The following ZNF469 variants were observed in gnomAD, a reference collection of about 807,000 sequenced individuals.
ZNF469 encodes zinc finger protein 469.
A neutral mutation model predicts 1.0 loss-of-function variants in ZNF469; 1 was observed. The observed-to-expected ratio is 1.00, with a 90% CI of 0.35 to 4.73. The LOEUF is 4.73. ZNF469 is among the 30% of genes most tolerant of loss of function. The pLI is 0.16. For synonymous variants in ZNF469, 2,703 were observed against 2,363.4 expected, an observed-to-expected ratio of 1.14 and a Z score of -4.17; for missense variants, 6,100 against 5,356.3, an observed-to-expected ratio of 1.14 and a Z score of -4.33.
At chr16:88,133,372 C>T in the ZNF469 span, among the ~76,000 whole-genome samples, 2 of 152,252 alleles carry the variant, frequency 1.3e-5, no homozygotes, top group Non-Finnish European at 2.9e-5. Flanking sequence ...TGCTCTGCAA[C>T]CCTCCCTGTC....
the ZNF469 span, among the ~76,000 whole-genome samples, chr16:88,258,847 A>C: frequency 6.6e-6 from 1 of 152,230 alleles, no homozygotes; most frequent in Non-Finnish European, 1.5e-5. Context: ...TGTTATGCTT[A>C]TTCTACACTC....
At chr16:88,147,751 T>C in the ZNF469 span, among the ~76,000 whole-genome samples, 1 of 152,128 alleles carries the variant, frequency 6.6e-6, no homozygotes, top group Admixed American at 6.5e-5. Flanking sequence ...GGATGCAAAC[T>C]GGCCTCCTGG....
chr16:88,371,819 C>A, the ZNF469 span, among the ~76,000 whole-genome samples: 1 of 152,078 alleles, frequency 6.6e-6, no homozygotes, highest in African/African-American at 2.4e-5. Context: ...ATCACCATCA[C>A]TATCATCACC....
chr16:88,155,232 G>C, the ZNF469 span, among the ~76,000 whole-genome samples: 11 of 152,358 alleles, frequency 7.2e-5, no homozygotes, highest in African/African-American at 2.6e-4. Context: ...CTGAGTTCAA[G>C]TCCTGCTTCT....
At chr16:88,415,913 C>T (rs557881296) in intron 1 of ZNF469, among the ~76,000 whole-genome samples, 2 of 152,252 alleles carry the variant, frequency 1.3e-5, no homozygotes, top group Non-Finnish European at 2.9e-5. Context: ...GCACGCAGCC[C>T]GGCCCCTCCC....
the ZNF469 span, among the ~76,000 whole-genome samples, chr16:88,277,393 C>G: frequency 6.6e-6 from 1 of 151,144 alleles, no homozygotes; most frequent in Admixed American, 6.6e-5. Context: ...CACGCTGACA[C>G]TCGGTCAGTA....
At chr16:88,225,982 A>T in the ZNF469 span, among the ~76,000 whole-genome samples, 1 of 151,976 alleles carries the variant, frequency 6.6e-6, no homozygotes. Context: ...CTCCTTGCAC[A>T]TGGCAGAAGG....
the ZNF469 span, among the ~76,000 whole-genome samples, chr16:88,280,451 G>T: frequency 6.6e-6 from 1 of 151,830 alleles, no homozygotes; most frequent in African/African-American, 2.4e-5. Flanking sequence ...CCAATGCTTG[G>T]TCAGTACCGT....
chr16:88,239,715 A>AT, the ZNF469 span, among the ~76,000 whole-genome samples: 3 of 6,786 alleles, frequency 4.4e-4, no homozygotes, highest in Non-Finnish European at 7.2e-4. Context: ...ATATATATAT[A>AT]TTTTTTTTTT....
chr16:88,205,674 C>A, the ZNF469 span, among the ~76,000 whole-genome samples: 1 of 152,292 alleles, frequency 6.6e-6, no homozygotes, highest in African/African-American at 2.4e-5. The surrounding 1 kb of genome is among the most constrained non-coding windows in gnomAD (Gnocchi z 4.2). Flanking sequence ...GATGCGGAAC[C>A]GGCTCCCAAA....
At chr16:88,253,275 A>G in the ZNF469 span, among the ~76,000 whole-genome samples, 4 of 152,228 alleles carry the variant, frequency 2.6e-5, no homozygotes, top group South Asian at 2.1e-4. Flanking sequence ...TTTGCCTATT[A>G]GAAACCCTCG....
intron 1 of ZNF469, among the ~76,000 whole-genome samples, chr16:88,415,080 G>GA (rs1905269683): frequency 6.6e-6 from 1 of 152,244 alleles, no homozygotes; most frequent in Non-Finnish European, 1.5e-5. Flanking sequence ...TGTGGCCTTG[G>GA]AAAAGTCCCT....
the ZNF469 span, among the ~76,000 whole-genome samples, chr16:88,326,034 G>C: frequency 6.6e-6 from 1 of 152,246 alleles, no homozygotes; most frequent in Non-Finnish European, 1.5e-5. Context: ...GTGTGATCCT[G>C]TAGGCAGAGA....
chr16:88,249,423 CTTTTTCTTTTTTTTTT>C, the ZNF469 span, among the ~76,000 whole-genome samples: 8 of 61,754 alleles, frequency 1.3e-4, no homozygotes, highest in East Asian at 9.4e-4. Flanking sequence ...CTTTCTTTTT[CTTTTTCTTTTTTTTTT>C]TTTTTTTTTT....
intron 1 of ZNF469, among the ~76,000 whole-genome samples, chr16:88,422,773 TGGATGGTTGGA>T (rs1597202737): frequency 3.1e-5 from 4 of 129,380 alleles, no homozygotes; most frequent in East Asian, 4.9e-4. Context: ...GATGGATGGA[TGGATGGTTGGA>T]TGGATGGATG....
At chr16:88,139,428 T>G in the ZNF469 span, among the ~76,000 whole-genome samples, 1 of 148,480 alleles carries the variant, frequency 6.7e-6, no homozygotes, top group East Asian at 2.0e-4. Context: ...AAAATTGCTG[T>G]GAAAAGTGGA....
chr16:88,277,087 T>C, the ZNF469 span, among the ~76,000 whole-genome samples: 1 of 150,462 alleles, frequency 6.6e-6, no homozygotes, highest in Admixed American at 6.6e-5. Flanking sequence ...CTGTACTGTG[T>C]AGATGTCAGT....
chr16:88,157,010 A>T, the ZNF469 span, among the ~76,000 whole-genome samples: 1 of 152,220 alleles, frequency 6.6e-6, no homozygotes, highest in African/African-American at 2.4e-5. Context: ...CCCAACAGTC[A>T]TCTCTAGATG....
At chr16:88,320,695 T>C in the ZNF469 span, among the ~76,000 whole-genome samples, 7 of 152,162 alleles carry the variant, frequency 4.6e-5, no homozygotes, top group African/African-American at 1.7e-4. Flanking sequence ...GACCATGAGA[T>C]TATTGACAGG....
Sources: gnomAD v4.1 joint callset for allele counts (sites outside exome capture counted in the v4.1 genomes callset) on GRCh38, gnomAD v4.1.1 for gene constraint, Gnocchi (gnomAD v3.1) non-coding constraint, MANE v1.5 for transcripts, NCBI Gene and HGNC (gene_info 2026-07-23, HGNC 2026-07-21) for gene names.